The following TNR variants were observed in gnomAD, a reference collection of about 807,000 sequenced individuals.
TNR encodes the protein tenascin-R.
TNR carries 45 observed loss-of-function variants against 150.4 expected under a neutral mutation model. The observed-to-expected ratio is 0.30, with a 90% confidence interval of 0.24 to 0.38. The LOEUF is 0.38. Among genes scored for constraint, TNR ranks in the 10% least tolerant of loss-of-function variants. The pLI is 1.00. For missense variants in TNR, 1,544 were observed against 1,759.1 expected (o/e 0.88, Z 2.19); for synonymous variants, 687 against 678.4 (o/e 1.01, Z -0.20).
intron 1 of TNR, among the ~76,000 whole-genome samples, chr1:175,691,060 G>A (rs1447116216): frequency 6.6e-6 from 1 of 151,828 alleles, no homozygotes; most frequent in Non-Finnish European, 1.5e-5. Context: ...GTTCTTTGGG[G>A]CCATTTTAAA....
chr1:175,615,386 A>G (rs1361508685), intron 1 of TNR, among the ~76,000 whole-genome samples: 1 of 152,116 alleles, frequency 6.6e-6, no homozygotes, highest in Non-Finnish European at 1.5e-5. Context: ...CAGAAACTGG[A>G]TTTTAAACAT....
intron 1 of TNR, among the ~76,000 whole-genome samples, chr1:175,554,575 C>T (rs1284869387): frequency 6.6e-6 from 1 of 152,134 alleles, no homozygotes; most frequent in Non-Finnish European, 1.5e-5. Flanking sequence ...TTGTTGCCTT[C>T]TCAAGCAAAA....
intron 21 of TNR, 36 bp downstream of exon 21, chr1:175,330,038 C>CTTGGGG (rs1649643539): frequency 6.8e-7 from 1 of 1,476,466 alleles, no homozygotes; most frequent in South Asian, 1.4e-5. Context: ...GTCCCATGCC[C>CTTGGGG]ACTGTCCTTG....
intron 14 of TNR, among the ~76,000 whole-genome samples, chr1:175,361,663 C>T (rs1651592094): frequency 6.6e-6 from 1 of 152,198 alleles, no homozygotes; most frequent in Admixed American, 6.5e-5. Flanking sequence ...TTGGGAAATA[C>T]CATTCTCCAG....
intron 18 of TNR, among the ~76,000 whole-genome samples, chr1:175,343,468 G>A (rs1016993462): frequency 6.6e-6 from 1 of 152,228 alleles, no homozygotes; most frequent in African/African-American, 2.4e-5. Context: ...GGTGGAGGAA[G>A]TGGCAAGTGA....
chr1:175,731,639 C>T (rs990895158), intron 1 of TNR, among the ~76,000 whole-genome samples: 2 of 152,108 alleles, frequency 1.3e-5, no homozygotes, highest in African/African-American at 4.8e-5. Context: ...ATTAAGGAGG[C>T]ACGGCGGGCA....
At chr1:175,664,570 T>C (rs976024307) in intron 1 of TNR, among the ~76,000 whole-genome samples, 1 of 152,234 alleles carries the variant, frequency 6.6e-6, no homozygotes, top group Non-Finnish European at 1.5e-5. Context: ...CAGAATTTCC[T>C]AGATCATCTA....
chr1:175,617,499 T>C (rs572687830), intron 1 of TNR, among the ~76,000 whole-genome samples: 4 of 152,196 alleles, frequency 2.6e-5, no homozygotes, highest in Non-Finnish European at 1.5e-5. Context: ...CTATGTCCCA[T>C]TACCTTCCAC....
intron 7 of TNR, among the ~76,000 whole-genome samples, chr1:175,386,930 C>T (rs575590872): frequency 5.3e-5 from 8 of 152,330 alleles, no homozygotes; most frequent in African/African-American, 9.6e-5. Context: ...ACCCCAGCTT[C>T]GGAACAGCCT....
chr1:175,621,489 C>T (rs1298947960), intron 1 of TNR, among the ~76,000 whole-genome samples: 1 of 152,206 alleles, frequency 6.6e-6, no homozygotes, highest in Non-Finnish European at 1.5e-5. Flanking sequence ...GGCCATTATC[C>T]TCACTGCCAG....
chr1:175,559,007 C>T (rs973336364), intron 1 of TNR, among the ~76,000 whole-genome samples: 8 of 152,096 alleles, frequency 5.3e-5, no homozygotes, highest in Non-Finnish European at 1.0e-4. Context: ...GAAGGTTGTG[C>T]GTGTGTTGGG....
rs139008357 is a variant in TNR at position 175,319,840 on chromosome 1, A to G, written c.*3517T>C. 8.5e-5 allele frequency: 13 copies of G among 152,320 alleles called. No individual in the cohort carries two copies. The highest frequency in any genetic ancestry group is 2.6e-4 in the African/African-American group (11 of 41,552). 9.4% of individuals were successfully genotyped at this position (152,320 alleles called of 1,614,324 possible). A position where few individuals can be genotyped will look rare whatever the true frequency, so the allele number is the denominator to read the frequency against. ...TGCCACCTTGTGGCCACACTTAGCAAGTCCCCTTCCACCAGTTCACTGTGG... is the reference window on the plus strand; with the variant it reads ...TGCCACCTTGTGGCCACACTTAGCAGGTCCCCTTCCACCAGTTCACTGTGG... On this transcript the variant is annotated 3_prime_UTR_variant, in exon 23 of 23. Coordinates refer to ENST00000367674, the MANE Select transcript of TNR (RefSeq NM_003285.3).
At chr1:175,721,699 A>T (rs1667305665) in intron 1 of TNR, among the ~76,000 whole-genome samples, 1 of 152,012 alleles carries the variant, frequency 6.6e-6, no homozygotes, top group Non-Finnish European at 1.5e-5. Context: ...GTTGAGGAAC[A>T]AGCCTTGTCT....
At chr1:175,491,197 C>CA (rs35965346) in intron 2 of TNR, among the ~76,000 whole-genome samples, 152,181 of 152,182 alleles carry the variant, frequency 1, 76,090 homozygotes, top group Non-Finnish European at 1. Flanking sequence ...TGTGGGGGAA[C>CA]ACACACACTG....
chr1:175,430,083 A>G (rs1216885957), intron 2 of TNR, among the ~76,000 whole-genome samples: 1 of 150,524 alleles, frequency 6.6e-6, no homozygotes, highest in African/African-American at 2.4e-5. Context: ...ATAACATTAT[A>G]ATATAGATAA....
chr1:175,401,467 C>T (rs1653698588), intron 4 of TNR, among the ~76,000 whole-genome samples: 1 of 151,946 alleles, frequency 6.6e-6, no homozygotes, highest in African/African-American at 2.4e-5. Flanking sequence ...GGCTTAACTT[C>T]TGCTTGAATT....
At chr1:175,471,484 G>C (rs1214176592) in intron 2 of TNR, among the ~76,000 whole-genome samples, 1 of 152,222 alleles carries the variant, frequency 6.6e-6, no homozygotes, top group Admixed American at 6.5e-5. Context: ...TGCGGAGCAT[G>C]TTACTGTACT....
chr1:175,663,315 C>T (rs1665434937), intron 1 of TNR, among the ~76,000 whole-genome samples: 2 of 152,122 alleles, frequency 1.3e-5, no homozygotes, highest in African/African-American at 4.8e-5. Flanking sequence ...GGGTTCATTC[C>T]CAGGAGGAGT....
intron 1 of TNR, among the ~76,000 whole-genome samples, chr1:175,557,090 T>C (rs1661190715): frequency 6.6e-6 from 1 of 152,194 alleles, no homozygotes; most frequent in Non-Finnish European, 1.5e-5. Context: ...AGGCAGCCTC[T>C]CACAGACAGT....
Sources: allele counts gnomAD v4.1 joint callset (sites outside exome capture counted in the v4.1 genomes callset), GRCh38; gene constraint gnomAD v4.1.1; transcripts MANE v1.5; gene names NCBI Gene and HGNC (gene_info 2026-07-23, HGNC 2026-07-21).